Variants in IL1RAPL1 observed in about 807,000 individuals in gnomAD.
IL1RAPL1 encodes interleukin-1 receptor accessory protein-like 1.
In IL1RAPL1, 3 loss-of-function variants were observed where a neutral mutation model predicts 48.4. The observed-to-expected ratio is 0.06, with a 90% CI of 0.03 to 0.16. The LOEUF (loss-of-function observed/expected upper bound fraction) is 0.16. IL1RAPL1 is among the 10% of genes least tolerant of loss of function. The pLI, the probability that IL1RAPL1 is intolerant of heterozygous loss-of-function variation, is 1.00. For synonymous variants in IL1RAPL1, 185 were observed against 187.7 expected (o/e 0.99, Z 0.12); for missense variants, 349 against 530.6 (o/e 0.66, Z 3.36).
intron 6 of IL1RAPL1, among the ~76,000 whole-genome samples, chrX:29,904,592 G>T (rs755338963): frequency 9.1e-6 from 1 of 110,454 alleles, no homozygotes; most frequent in African/African-American, 3.3e-5. Flanking sequence ...TCATTTTTCA[G>T]CTCACACTTA....
chrX:29,134,273 A>C (rs762631738), intron 2 of IL1RAPL1, among the ~76,000 whole-genome samples: 2 of 111,395 alleles, frequency 1.8e-5, no homozygotes, highest in South Asian at 7.6e-4. Flanking sequence ...AAACTATAAA[A>C]CTCTCTTCCG....
intron 2 of IL1RAPL1, among the ~76,000 whole-genome samples, chrX:28,870,287 A>ATTC (rs1264806654): frequency 9.0e-6 from 1 of 111,499 alleles, no homozygotes; most frequent in Non-Finnish European, 1.9e-5. Flanking sequence ...ATGTAAACAT[A>ATTC]TTCTATGTTT....
intron 2 of IL1RAPL1, among the ~76,000 whole-genome samples, chrX:28,996,602 C>A (rs1375871211): frequency 9.1e-6 from 1 of 109,544 alleles, no homozygotes; most frequent in African/African-American, 3.4e-5. Context: ...CTGTTGATCT[C>A]CACCAACAAT....
chrX:28,882,430 G>A (rs1922524792), intron 2 of IL1RAPL1, among the ~76,000 whole-genome samples: 1 of 111,932 alleles, frequency 8.9e-6, no homozygotes, highest in Admixed American at 9.5e-5. Context: ...ATCACTTGAG[G>A]TCAGGAGTTT....
At chrX:28,724,431 T>C (rs1237590577) in intron 1 of IL1RAPL1, among the ~76,000 whole-genome samples, 1 of 111,392 alleles carries the variant, frequency 9.0e-6, no homozygotes, top group Non-Finnish European at 1.9e-5. Flanking sequence ...GCCTTTTTTT[T>C]GTTTTCCATT....
intron 2 of IL1RAPL1, among the ~76,000 whole-genome samples, chrX:28,868,166 C>T (rs777304719): frequency 8.1e-5 from 9 of 111,459 alleles, no homozygotes; most frequent in South Asian, 3.8e-4. Context: ...CCTATTTCCA[C>T]GCTCTTGGCC....
intron 2 of IL1RAPL1, among the ~76,000 whole-genome samples, chrX:28,984,929 G>C (rs902064268): frequency 9.8e-5 from 11 of 111,862 alleles, no homozygotes; most frequent in African/African-American, 3.3e-5. Flanking sequence ...TGAATGCTTT[G>C]AGTAGTAGGA....
Position 29,248,073 on chromosome X carries a change from G to C in IL1RAPL1, c.83-34865G>C, listed in dbSNP as rs1240621613. ...CTGAAGAAGTAATACAGTTCAAGGT[G>C]TTTCCAATTTGCTCTAAGTTAGCAA... On this transcript the variant is annotated intron_variant, in intron 2 of 10. Transcript: ENST00000378993. Among the ~76,000 whole-genome samples the C allele has an allele frequency of 4.5e-5, 5 of 111,658 alleles. 1 individual carries two copies.
At chrX:29,533,100 C>G (rs892077186) in intron 5 of IL1RAPL1, among the ~76,000 whole-genome samples, 2 of 112,256 alleles carry the variant, frequency 1.8e-5, no homozygotes, top group African/African-American at 6.5e-5. Flanking sequence ...TTTTAAAGTG[C>G]TTCACTGAGA....
chrX:29,185,572 C>T (rs1357910205), intron 2 of IL1RAPL1, among the ~76,000 whole-genome samples: 1 of 111,864 alleles, frequency 8.9e-6, no homozygotes, highest in East Asian at 2.8e-4. Context: ...GTTGTGGATA[C>T]CTGTGCTTTA....
At chrX:29,162,065 G>A (rs2034535312) in intron 2 of IL1RAPL1, among the ~76,000 whole-genome samples, 1 of 111,710 alleles carries the variant, frequency 9.0e-6, no homozygotes, top group African/African-American at 3.3e-5. Flanking sequence ...CAGGGAAATG[G>A]ATGAAGCTGG....
intron 2 of IL1RAPL1, among the ~76,000 whole-genome samples, chrX:29,081,815 A>T (rs1927850336): frequency 9.1e-6 from 1 of 109,693 alleles, no homozygotes. Context: ...ATATTTTCAA[A>T]CATCCATCTA....
rs769421729 is a variant in IL1RAPL1 at position 29,897,799 on chromosome X, TAG to T, written c.779-19662_779-19661del. 7.2e-5 allele frequency among the ~76,000 whole-genome samples: 8 copies of T among 111,877 alleles called. No homozygotes were observed. In the East Asian group the frequency reaches 2.2e-3, roughly 31 times the overall value. On this transcript the variant is annotated intron_variant, in intron 6 of 10. Transcript: ENST00000378993. ...ACAACTACACTTTTCAAAGGATGTT[TAG>T]AGTCACAGACCTGAACCTGACTTAG...
At chrX:29,691,692 C>T (rs1158146490) in intron 6 of IL1RAPL1, among the ~76,000 whole-genome samples, 3 of 99,906 alleles carry the variant, frequency 3.0e-5, no homozygotes, top group Admixed American at 1.2e-4. Flanking sequence ...ACTATAGAGC[C>T]GAGATTGCGC....
At chrX:29,829,292 G>A (rs1396503737) in intron 6 of IL1RAPL1, among the ~76,000 whole-genome samples, 1 of 108,729 alleles carries the variant, frequency 9.2e-6, no homozygotes, top group Non-Finnish European at 1.9e-5. Flanking sequence ...CATTTAAACT[G>A]TATTATCTAA....
intron 5 of IL1RAPL1, among the ~76,000 whole-genome samples, chrX:29,512,374 A>G (rs1216099503): frequency 8.9e-6 from 1 of 111,891 alleles, no homozygotes; most frequent in African/African-American, 3.2e-5. Flanking sequence ...AAAACGTTCA[A>G]AAATATTATT....
intron 2 of IL1RAPL1, among the ~76,000 whole-genome samples, chrX:29,046,613 G>T (rs1335852889): frequency 9.0e-6 from 1 of 111,609 alleles, no homozygotes; most frequent in Non-Finnish European, 1.9e-5. Flanking sequence ...CATACATTAT[G>T]ACAGAGTCAG....
At chrX:29,183,742 A>G (rs1324182387) in intron 2 of IL1RAPL1, among the ~76,000 whole-genome samples, 4 of 112,351 alleles carry the variant, frequency 3.6e-5, no homozygotes, top group Non-Finnish European at 7.5e-5. Context: ...TGCCCAGGCC[A>G]GAGTGCAATG....
chrX:28,593,408 A>G (rs773070374), intron 1 of IL1RAPL1, among the ~76,000 whole-genome samples: 168 of 112,023 alleles, frequency 1.5e-3, no homozygotes, highest in Non-Finnish European at 2.8e-3. Context: ...GCTCTTTCCC[A>G]TTTTAATATC....
Sources: allele counts gnomAD v4.1 joint callset (sites outside exome capture counted in the v4.1 genomes callset), GRCh38; gene constraint gnomAD v4.1.1; transcripts MANE v1.5; gene names NCBI Gene and HGNC (gene_info 2026-07-23, HGNC 2026-07-21).